KIRREL3: variants seen among roughly 807,000 people sequenced by gnomAD.
KIRREL3 encodes kirre like nephrin family adhesion molecule 3.
KIRREL3 carries 36 observed loss-of-function variants against 89.7 expected under a neutral mutation model. The observed-to-expected ratio is 0.40, with a 90% CI of 0.31 to 0.53. The LOEUF (loss-of-function observed/expected upper bound fraction) is 0.53. KIRREL3 is among the 20% of genes least tolerant of loss of function. KIRREL3 has a pLI of 0.49. For synonymous variants in KIRREL3, 445 were observed against 441.4 expected, an observed-to-expected ratio of 1.01 and a Z score of -0.10; for missense variants, 864 against 1,056.6, an observed-to-expected ratio of 0.82 and a Z score of 2.53.
At chr11:126,743,095 T>C (rs1949032263) in intron 1 of KIRREL3, among the ~76,000 whole-genome samples, 1 of 152,238 alleles carries the variant, frequency 6.6e-6, no homozygotes, top group Non-Finnish European at 1.5e-5. Context: ...GGGCTTGTTT[T>C]CTGCCCAATG....
intron 1 of KIRREL3, among the ~76,000 whole-genome samples, chr11:126,852,116 C>T (rs996349283): frequency 4.2e-5 from 6 of 141,966 alleles, no homozygotes; most frequent in Admixed American, 3.0e-4. Context: ...TGCAGTGGTG[C>T]GATCTCGGCT....
rs1944391825 is a variant in KIRREL3 at position 126,639,545 on chromosome 11, A to G, written c.56-76633T>C. 1.3e-5 allele frequency among the ~76,000 whole-genome samples: 2 copies of G among 152,142 alleles called. No homozygotes were observed. Among genetic ancestry groups the G allele is most frequent in the Non-Finnish European group, 1.5e-5 (1 of 68,026 alleles). ...TTAAGAAGGCAGATGCTAACCAACC[A>G]CCAATTGCATCCCAGGACAGTTGCT... On this transcript the variant is annotated intron_variant, in intron 1 of 16. Coordinates refer to ENST00000525144, the MANE Select transcript of KIRREL3 (RefSeq NM_032531.4). This position sits in a 1 kb window ranked among gnomAD's most constrained non-coding sequence, Gnocchi z 4.3.
intron 1 of KIRREL3, among the ~76,000 whole-genome samples, chr11:126,950,755 T>A (rs752084186): frequency 2.6e-5 from 4 of 152,218 alleles, no homozygotes; most frequent in African/African-American, 7.2e-5. Flanking sequence ...AGCCTGGGGA[T>A]TCTGGAATGC....
At chr11:126,809,675 G>A (rs1222523194) in intron 1 of KIRREL3, among the ~76,000 whole-genome samples, 2 of 152,210 alleles carry the variant, frequency 1.3e-5, no homozygotes, top group African/African-American at 2.4e-5. Context: ...GTCACTAGCT[G>A]CTTAGAGGTT....
At chr11:126,554,789 C>T (rs1463271688) in intron 2 of KIRREL3, among the ~76,000 whole-genome samples, 5 of 152,190 alleles carry the variant, frequency 3.3e-5, no homozygotes. Flanking sequence ...CTCAATTTTT[C>T]TCCCAATTGT....
intron 1 of KIRREL3, among the ~76,000 whole-genome samples, chr11:126,592,201 GTAATCCTTATAACAACACCATAACT>G (rs1176708054): frequency 6.6e-6 from 1 of 152,092 alleles, no homozygotes; most frequent in African/African-American, 2.4e-5. Context: ...AGTTATTGTC[GTAATCCTTATAACAACACCATAACT>G]TAATCCTTAT....
At position 126,995,595 on chromosome 11, in the gene KIRREL3, A is replaced by C. The variant is rs1248863672; in HGVS notation, c.55+4860T>G. 3.7e-5 allele frequency: 10 copies of C among 269,994 alleles called. No individual in the cohort carries two copies. Among genetic ancestry groups the C allele is most frequent in the East Asian group, 1.0e-4 (1 of 9,626 alleles). The allele number at this position is 269,994 out of a possible 1,614,324, so 16.7% of individuals were successfully genotyped here. A position where few individuals can be genotyped will look rare whatever the true frequency, so the allele number is the denominator to read the frequency against. On this transcript the variant is annotated intron_variant, in intron 1 of 16. Coordinates refer to ENST00000525144, the MANE Select transcript of KIRREL3 (RefSeq NM_032531.4). This position sits in a 1 kb window ranked among gnomAD's most constrained non-coding sequence, Gnocchi z 6.5. The stretch of plus-strand genomic sequence containing the variant: ...ACCAGTGCTTTTGGCCCTCCTCCTC[A>C]CTCCTCCAGTATGGGCAATTTTCTT...
chr11:126,638,358 C>T (rs943792499), intron 1 of KIRREL3, among the ~76,000 whole-genome samples: 1 of 152,216 alleles, frequency 6.6e-6, no homozygotes, highest in Non-Finnish European at 1.5e-5. Flanking sequence ...ACGTACTTGT[C>T]TGTCCTCTGG....
intron 1 of KIRREL3, among the ~76,000 whole-genome samples, chr11:126,701,183 C>T (rs1385963320): frequency 6.6e-6 from 1 of 152,206 alleles, no homozygotes; most frequent in Non-Finnish European, 1.5e-5. Context: ...GTCTCTTTGA[C>T]AATAAATGAA....
In KIRREL3 at chr11:126,948,319, T is replaced by G. The variant is rs1948678985; in HGVS notation, c.55+52136A>C. ...AAAAAAAACCTCTTTGGCCTGAACC[T>G]GTCCAACTTTATAGAGGGATCTCAG... On this transcript the variant is annotated intron_variant, in intron 1 of 16. Transcript: ENST00000525144. The surrounding 1 kb of genome is among the most constrained non-coding windows in gnomAD (Gnocchi z 4.5). Among the ~76,000 whole-genome samples, 1 of 151,958 alleles carries G rather than the reference T, an allele frequency of 6.6e-6. No homozygotes were observed. The highest frequency in any genetic ancestry group is 2.4e-5 in the African/African-American group (1 of 41,388).
At position 126,653,305 on chromosome 11, in the gene KIRREL3, G is replaced by A. The variant is rs972225634; in HGVS notation, c.56-90393C>T. On this transcript the variant is annotated intron_variant, in intron 1 of 16. Coordinates refer to ENST00000525144, the MANE Select transcript of KIRREL3 (RefSeq NM_032531.4). The surrounding 1 kb of genome is among the most constrained non-coding windows in gnomAD (Gnocchi z 5.4). The stretch of plus-strand genomic sequence containing the variant: ...GACTGACTTGCTCAGTGAAGGATGG[G>A]CAGACTTGGGGTGGCAGAAGAGGCA... Among the ~76,000 whole-genome samples the A allele has an allele frequency of 2.6e-5, 4 of 152,178 alleles. No homozygotes were observed. Among genetic ancestry groups the A allele is most frequent in the Admixed American group, 6.5e-5 (1 of 15,280 alleles).
rs949583989 is a variant in KIRREL3, at chr11:126,492,062, A to C, written c.434-18596T>G. Among the ~76,000 whole-genome samples, 1 of 152,172 alleles carries C rather than the reference A, an allele frequency of 6.6e-6. No homozygotes were observed. On this transcript the variant is annotated intron_variant, in intron 4 of 16. Coordinates refer to ENST00000525144, the MANE Select transcript of KIRREL3 (RefSeq NM_032531.4). This position sits in a 1 kb window ranked among gnomAD's most constrained non-coding sequence, Gnocchi z 4.8. ...GACTTTTATTGTCTCACTTCCCTTC[A>C]GTGAGCCAAAGGGCCCCATCCTTGC...
At chr11:126,706,437 A>G (rs964451107) in intron 1 of KIRREL3, among the ~76,000 whole-genome samples, 1 of 152,250 alleles carries the variant, frequency 6.6e-6, no homozygotes, top group Non-Finnish European at 1.5e-5. Context: ...GCAAAAATGC[A>G]GCAATAGACA....
chr11:126,992,211 A>C (rs1950052182), intron 1 of KIRREL3, among the ~76,000 whole-genome samples: 1 of 152,214 alleles, frequency 6.6e-6, no homozygotes, highest in Non-Finnish European at 1.5e-5. Context: ...TCCAAAATAA[A>C]TAGATTGTTG....
rs1248317791 is a variant in KIRREL3, at chr11:126,579,712, A to G, written c.56-16800T>C. ...TGGATCTGGACAATGCTTCCAGGTT[A>G]CCACTGCTGGTAAGCAATGTGCCCA... On this transcript the variant is annotated intron_variant, in intron 1 of 16. Coordinates refer to ENST00000525144, the MANE Select transcript of KIRREL3 (RefSeq NM_032531.4). This position sits in a 1 kb window ranked among gnomAD's most constrained non-coding sequence, Gnocchi z 5.3. Among the ~76,000 whole-genome samples, 1 of 152,118 alleles carries G rather than the reference A, an allele frequency of 6.6e-6. No homozygotes were observed. Among genetic ancestry groups the G allele is most frequent in the Non-Finnish European group, 1.5e-5 (1 of 68,032 alleles).
chr11:126,873,992 C>A (rs376740594), intron 1 of KIRREL3, among the ~76,000 whole-genome samples: 1 of 152,284 alleles, frequency 6.6e-6, no homozygotes, highest in East Asian at 1.9e-4. Context: ...TGGTTTGCAC[C>A]GTCAAGACAA....
intron 1 of KIRREL3, among the ~76,000 whole-genome samples, chr11:126,834,125 G>A (rs1243841699): frequency 1.3e-5 from 2 of 152,138 alleles, no homozygotes; most frequent in Admixed American, 6.5e-5. Context: ...GTAACCTACT[G>A]CAATACATAA....
chr11:126,832,999 C>T (rs777312750), intron 1 of KIRREL3, among the ~76,000 whole-genome samples: 16 of 152,176 alleles, frequency 1.1e-4, no homozygotes, highest in Non-Finnish European at 2.4e-4. Flanking sequence ...TTTCAGGCTG[C>T]CACACCACCT....
chr11:126,923,775 G>T (rs1423349021), intron 1 of KIRREL3, among the ~76,000 whole-genome samples: 1 of 152,090 alleles, frequency 6.6e-6, no homozygotes, highest in African/African-American at 2.4e-5. Flanking sequence ...TCTATCTTGA[G>T]AGTTCTGCCC....
Sources: gnomAD v4.1 joint callset for allele counts (sites outside exome capture counted in the v4.1 genomes callset) on GRCh38, gnomAD v4.1.1 for gene constraint, Gnocchi (gnomAD v3.1) non-coding constraint, MANE v1.5 for transcripts, NCBI Gene and HGNC (gene_info 2026-07-23, HGNC 2026-07-21) for gene names.